Variants in MXRA5 observed in about 807,000 individuals in gnomAD.
The protein encoded by MXRA5 is matrix-remodeling-associated protein 5.
In MXRA5, 41 loss-of-function variants were observed where a neutral mutation model predicts 112.5. That is an observed-to-expected ratio of 0.36 (90% CI 0.28 to 0.47). The LOEUF (loss-of-function observed/expected upper bound fraction) is 0.47. Ranked by LOEUF, MXRA5 falls within the 20% of genes least tolerant of loss-of-function variation. The probability of loss-of-function intolerance (pLI) is 0.99; values close to 1 mark genes in which losing one functional copy is unlikely to be tolerated. For synonymous variants in MXRA5, 862 were observed against 900.8 expected, an observed-to-expected ratio of 0.96 and a Z score of 0.77; for missense variants, 2,150 against 2,251.0, an observed-to-expected ratio of 0.96 and a Z score of 0.91.
rs1348520994 is a variant in MXRA5 at position 3,316,170 on chromosome X, C to T, written c.6578+933G>A. Reference sequence around the variant, plus strand: ...TCTACTAAAAATACAAAAAATTAGCCAGGCGTGGTGGCGGGCGCCTGTAGT... The same window carrying T: ...TCTACTAAAAATACAAAAAATTAGCTAGGCGTGGTGGCGGGCGCCTGTAGT... On this transcript the variant is annotated intron_variant, in intron 6 of 6. Coordinates refer to ENST00000217939, the MANE Select transcript of MXRA5 (RefSeq NM_015419.4). Among the ~76,000 whole-genome samples, 7 of 84,335 alleles carry T rather than the reference C, an allele frequency of 8.3e-5. 1 individual carries two copies. The highest frequency in any genetic ancestry group is 1.3e-4 in the Admixed American group (1 of 7,478). The allele number at this position is 84,335 out of a possible 115,157, so 73.2% of individuals were successfully genotyped here.
Position 3,320,758 on chromosome X carries a change from T to A in MXRA5, c.4927A>T (p.Thr1643Ser). 1 of 1,212,006 alleles carries A rather than the reference T, an allele frequency of 8.3e-7. No individual in the cohort carries two copies. The highest frequency in any genetic ancestry group is 1.1e-6 in the Non-Finnish European group (1 of 895,499). The change falls in exon 5 of 7, where the codon ACC becomes TCC. Residue 1643 changes from threonine to serine, a missense_variant. By Grantham distance (58) the Thr-to-Ser change is moderately conservative. Transcript: ENST00000217939. ...FVTSQSPRHW[T>S]NKPEITTYPS... The stretch of plus-strand genomic sequence containing the variant: ...TATGTAGTTATTTCCGGTTTGTTGG[T>A]CCAGTGACGAGGTGACTGGGAAGTT...
chrX:3,317,427 TC>T lies in MXRA5; in HGVS notation c.6253del (p.Asp2085ThrfsTer44). ...PLPSVRWVLG[D>X]GTQIRPSQFL... ...CTGCGAGGGGCGGATCTGGGTACCG[TC>T]CCCGAGCACCCAGCGCACGCTGGGC... is the stretch of plus-strand genomic sequence containing the variant. On this transcript the variant is annotated frameshift_variant, in exon 6 of 7. Transcript: ENST00000217939. LOFTEE classifies it high-confidence loss of function. 1.7e-6 allele frequency: 2 copies of T among 1,199,583 alleles called. No homozygotes were observed.
chrX:3,323,113 T>G lies in MXRA5; in HGVS notation c.2572A>C (p.Ile858Leu). Residue 858 changes from isoleucine to leucine, a missense_variant, in exon 5 of 7, where the codon ATT (isoleucine) becomes CTT (leucine). Ile to Leu is a conservative substitution (Grantham distance 5). Transcript: ENST00000217939. ...LGEEEHVLGTISSASMGLEHN... is the reference protein window; with the variant it reads ...LGEEEHVLGTLSSASMGLEHN... Reference sequence around the variant, plus strand: ...TCTAGCCCCATGCTGGCTGAGGAAATGGTACCCAAAACGTGCTCTTCTTCA... The same window carrying G: ...TCTAGCCCCATGCTGGCTGAGGAAAGGGTACCCAAAACGTGCTCTTCTTCA... 1 of 1,211,489 alleles carries G rather than the reference T, an allele frequency of 8.3e-7. No homozygotes were observed. The highest frequency in any genetic ancestry group is 1.8e-5 in the South Asian group (1 of 56,972).
In MXRA5 at chrX:3,320,934, C is replaced by T; in HGVS notation, c.4751G>A (p.Arg1584Lys). ...GCTATCTGGGCCACGTGGTAGACTC[C>T]TACTACCAAATACTTGCTTTTCCAA... ...LELEKQVFGS[R>K]SLPRGPDSQR... The change falls in exon 5 of 7, where the codon AGG becomes AAG. Residue 1584 changes from arginine (R) to lysine (K), a missense_variant. Arg to Lys is a conservative substitution (Grantham distance 26). Transcript: ENST00000217939. The T allele has an allele frequency of 8.3e-7, 1 of 1,211,581 alleles. No homozygotes were observed. Among genetic ancestry groups the T allele is most frequent in the Non-Finnish European group, 1.1e-6 (1 of 895,391 alleles).
chrX:3,334,823 TACATTTC>T (rs1219566035), intron 2 of MXRA5, among the ~76,000 whole-genome samples: 73 of 111,989 alleles, frequency 6.5e-4, no homozygotes, highest in African/African-American at 2.0e-3. Context: ...ATCTACCTGA[TACATTTC>T]TAATTCATTC....
intron 2 of MXRA5, among the ~76,000 whole-genome samples, chrX:3,340,257 T>C (rs1379484203): frequency 8.9e-6 from 1 of 112,243 alleles, no homozygotes; most frequent in African/African-American, 3.2e-5. Context: ...TCCTCATTCC[T>C]TGAGAGTCTT....
rs1414182008 is a variant in MXRA5 at position 3,346,632 on chromosome X, G to A, written c.-146C>T. 1 of 681,058 alleles carries A rather than the reference G, an allele frequency of 1.5e-6. No homozygotes were observed. The highest frequency in any genetic ancestry group is 2.4e-5 in the African/African-American group (1 of 42,188). The allele number at this position is 681,058 out of a possible 1,213,427, so 56.1% of individuals were successfully genotyped here. A position where few individuals can be genotyped will look rare whatever the true frequency, so the allele number is the denominator to read the frequency against. On this transcript the variant is annotated 5_prime_UTR_variant, in exon 1 of 7. Coordinates refer to ENST00000217939, the MANE Select transcript of MXRA5 (RefSeq NM_015419.4). ...CCATGCCCTTCCCGGGGCCGGGGGT[G>A]AGGCAGCTCGGCTTCCCAGCGCGGC... is the stretch of plus-strand genomic sequence containing the variant.
At chrX:3,328,682 C>A (rs1474070410) in intron 4 of MXRA5, among the ~76,000 whole-genome samples, 5 of 107,863 alleles carry the variant, frequency 4.6e-5, no homozygotes, top group Non-Finnish European at 7.7e-5. Context: ...GGAAATAGAT[C>A]CAGGATATGG....
rs1226588962 is a variant in MXRA5 at position 3,330,713 on chromosome X, T to G, written c.249A>C (p.Leu83=). 2 of 1,209,844 alleles carry G rather than the reference T, an allele frequency of 1.7e-6. No individual in the cohort carries two copies. Residue 83 remains leucine, a synonymous_variant, in exon 3 of 7, where the codon CTA becomes CTC. Coordinates refer to ENST00000217939, the MANE Select transcript of MXRA5 (RefSeq NM_015419.4). ...TSFAGLTKLE[L]LMIHGNEIPS... is the part of the protein sequence containing the mutation. ...GGATCTCATTGCCGTGAATCATAAG[T>G]AGCTCCAACTTGGTCAGTCCTGCAA...
intron 5 of MXRA5, among the ~76,000 whole-genome samples, chrX:3,318,534 A>C (rs1921212591): frequency 8.9e-6 from 1 of 112,488 alleles, no homozygotes; most frequent in African/African-American, 3.2e-5. Flanking sequence ...GACCAAAAAC[A>C]CAGACACTGG....
At chrX:3,331,731 G>T (rs1297617588) in intron 2 of MXRA5, among the ~76,000 whole-genome samples, 4 of 111,571 alleles carry the variant, frequency 3.6e-5, no homozygotes, top group African/African-American at 9.8e-5. Flanking sequence ...TAAATTTTTG[G>T]TTTTTTGTTG....
At chrX:3,341,084 T>C (rs1209692471) in intron 2 of MXRA5, among the ~76,000 whole-genome samples, 1 of 56,584 alleles carries the variant, frequency 1.8e-5, no homozygotes, top group Non-Finnish European at 3.2e-5. Context: ...TATTATATTA[T>C]ACATAATATG....
At chrX:3,319,738 A>G (rs1335129804) in intron 5 of MXRA5, among the ~76,000 whole-genome samples, 1 of 111,435 alleles carries the variant, frequency 9.0e-6, no homozygotes, top group Non-Finnish European at 1.9e-5. Context: ...TACCTGGGTA[A>G]TGGGATCATT....
chrX:3,333,517 C>T (rs1921719700), intron 2 of MXRA5, among the ~76,000 whole-genome samples: 1 of 109,979 alleles, frequency 9.1e-6, no homozygotes, highest in Non-Finnish European at 1.9e-5. Context: ...CAATAATGTC[C>T]CCTTTACAAA....
chrX:3,334,046 A>G (rs996410756), intron 2 of MXRA5, among the ~76,000 whole-genome samples: 4 of 111,388 alleles, frequency 3.6e-5, no homozygotes, highest in Non-Finnish European at 5.7e-5. Context: ...TGGTGGCACA[A>G]TCTTGGCTCA....
chrX:3,310,468 GA>G lies in MXRA5; in HGVS notation c.7734del (p.Asn2580MetfsTer52). The G allele has an allele frequency of 8.3e-7, 1 of 1,205,066 alleles. No homozygotes were observed. The highest frequency in any genetic ancestry group is 1.1e-6 in the Non-Finnish European group (1 of 892,496). On this transcript the variant is annotated frameshift_variant, in exon 7 of 7. Coordinates refer to ENST00000217939, the MANE Select transcript of MXRA5 (RefSeq NM_015419.4). LOFTEE classifies it high-confidence loss of function. Reference sequence around the variant, plus strand: ...CCACTCTGCAGATCGGTGCCATTGGGAAGGACCCACACCAGGCTGGGTGTCG... The same window carrying G: ...CCACTCTGCAGATCGGTGCCATTGGGAGGACCCACACCAGGCTGGGTGTCG... Reference protein sequence around the residue: ...GTPTPSLVWVLPNGTDLQSGQ... With the variant: ...GTPTPSLVWVXPNGTDLQSGQ...
chrX:3,342,355 A>T (rs1922008439), intron 2 of MXRA5, among the ~76,000 whole-genome samples: 2 of 111,656 alleles, frequency 1.8e-5, no homozygotes, highest in Non-Finnish European at 3.8e-5. Context: ...GTATCTTGGA[A>T]CTTAAAGTTA....
At chrX:3,333,837 A>AT (rs978065460) in intron 2 of MXRA5, among the ~76,000 whole-genome samples, 1 of 111,696 alleles carries the variant, frequency 9.0e-6, no homozygotes, top group African/African-American at 3.3e-5. Context: ...AAAGAGGTGC[A>AT]TTTTTTCCAA....
At chrX:3,341,135 A>G (rs866018982) in intron 2 of MXRA5, among the ~76,000 whole-genome samples, 5 of 5,573 alleles carry the variant, frequency 9.0e-4, no homozygotes, top group African/African-American at 1.3e-3. Context: ...ATAATATATT[A>G]TATATTATAC....
Sources: allele counts gnomAD v4.1 joint callset (sites outside exome capture counted in the v4.1 genomes callset), GRCh38; gene constraint gnomAD v4.1.1; transcripts MANE v1.5; gene names NCBI Gene and HGNC (gene_info 2026-07-23, HGNC 2026-07-21).